The following TOMM22 variants were observed in gnomAD, a reference collection of about 807,000 sequenced individuals.
TOMM22 encodes the protein translocase of outer mitochondrial membrane 22, also known as mitochondrial import receptor subunit TOM22 homolog.
Under a neutral mutation model 17.1 loss-of-function variants are expected in TOMM22, and 3 were observed. The ratio of observed to expected loss-of-function variants is 0.18; its 90% confidence interval spans 0.08 to 0.45. The LOEUF (loss-of-function observed/expected upper bound fraction) is 0.45. Ranked by LOEUF, TOMM22 falls within the 20% of genes least tolerant of loss-of-function variation. The pLI, the probability that TOMM22 is intolerant of heterozygous loss-of-function variation, is 0.99. For missense variants in TOMM22, 159 were observed against 179.5 expected (o/e 0.89, Z 0.65); for synonymous variants, 91 against 74.0 (o/e 1.23, Z -1.18).
chr22:38,683,747 C>A lies in TOMM22; in HGVS notation c.355-20C>A. 1 of 1,606,584 alleles carries A rather than the reference C, an allele frequency of 6.2e-7. No individual in the cohort carries two copies. The highest frequency in any genetic ancestry group is 8.5e-7 in the Non-Finnish European group (1 of 1,173,242). On this transcript the variant is annotated intron_variant, in intron 3 of 3. Transcript: ENST00000216034. ...CTCTAGGCCTGTATGATGCCTTACA[C>A]CCCTCCTTTTCTTTTCCAGATACTT...
chr22:38,682,565 T>G (rs2092482276), intron 2 of TOMM22, 124 bp downstream of exon 2: 1 of 824,346 alleles, frequency 1.2e-6, no homozygotes, highest in Non-Finnish European at 2.0e-6. Flanking sequence ...CTATCCTTTC[T>G]TAGTTTCCTC....
chr22:38,682,189 G>A, intron 1 of TOMM22, 94 bp downstream of exon 1: 4 of 1,499,914 alleles, frequency 2.7e-6, no homozygotes, highest in Non-Finnish European at 3.6e-6. Context: ...CGGCTGCTTT[G>A]GGAGGCGGGG....
At position 38,684,742 on chromosome 22, in the gene TOMM22, A is replaced by ATAAAG. The variant is rs899648489; in HGVS notation, c.*904_*908dup. On this transcript the variant is annotated 3_prime_UTR_variant, in exon 4 of 4. Coordinates refer to ENST00000216034, the MANE Select transcript of TOMM22 (RefSeq NM_020243.5). Reference sequence around the variant, plus strand: ...TAGTCTATAATGACACTGTGTAATTATAAAGTATTTGTAGGGAATAACATA... The same window carrying ATAAAG: ...TAGTCTATAATGACACTGTGTAATTATAAAGTAAAGTATTTGTAGGGAATAACATA... 3 of 152,120 alleles carry ATAAAG rather than the reference A, an allele frequency of 2.0e-5. No individual in the cohort carries two copies. Among genetic ancestry groups the ATAAAG allele is most frequent in the African/African-American group, 7.2e-5 (3 of 41,420 alleles). The allele number at this position is 152,120 out of a possible 1,614,324, so 9.4% of individuals were successfully genotyped here.
intron 2 of TOMM22, 136 bp from the exon 3 acceptor site, chr22:38,682,743 A>G: frequency 1.3e-6 from 1 of 769,688 alleles, no homozygotes. Context: ...TGGTAGGAGT[A>G]TGGTGTAAGG....
At chr22:38,683,389 G>T (rs901995719) in intron 3 of TOMM22, among the ~76,000 whole-genome samples, 2 of 152,152 alleles carry the variant, frequency 1.3e-5, no homozygotes, top group Non-Finnish European at 2.9e-5. Flanking sequence ...AAGGGTTTGT[G>T]TTCCTATGAG....
At position 38,684,666 on chromosome 22, in the gene TOMM22, C is replaced by T. The variant is rs2092490706; in HGVS notation, c.*825C>T. On this transcript the variant is annotated 3_prime_UTR_variant, in exon 4 of 4. Coordinates refer to ENST00000216034, the MANE Select transcript of TOMM22 (RefSeq NM_020243.5). ...AATCTTTGCCCTGAATTTAGGCAGT[C>T]ACTTTGAGATCCATCAGCCTAAAAC... The T allele has an allele frequency of 6.6e-6, 1 of 152,134 alleles. No homozygotes were observed. The highest frequency in any genetic ancestry group is 1.5e-5 in the Non-Finnish European group (1 of 68,046). 9.4% of individuals were successfully genotyped at this position (152,134 alleles called of 1,614,324 possible). A position where few individuals can be genotyped will look rare whatever the true frequency, so the allele number is the denominator to read the frequency against.
At position 38,683,943 on chromosome 22, in the gene TOMM22, T is replaced by C; in HGVS notation, c.*102T>C. The C allele has an allele frequency of 1.0e-6, 1 of 1,001,126 alleles. No homozygotes were observed. 62.0% of individuals were successfully genotyped at this position (1,001,126 alleles called of 1,614,324 possible). On this transcript the variant is annotated 3_prime_UTR_variant, in exon 4 of 4. Coordinates refer to ENST00000216034, the MANE Select transcript of TOMM22 (RefSeq NM_020243.5). ...TTTTTTTTTTTTTAACTTTGGCACA[T>C]TGATCTATCTAAACCTGGTGGGGAG...
chr22:38,683,784 C>T lies in TOMM22; in HGVS notation c.372C>T (p.Asn124=), dbSNP rs759379598. 3 of 1,613,964 alleles carry T rather than the reference C, an allele frequency of 1.9e-6. No individual in the cohort carries two copies. The highest frequency in any genetic ancestry group is 2.2e-5 in the East Asian group (1 of 44,902). Residue 124 remains asparagine (N), a synonymous_variant, in exon 4 of 4, where the codon AAC becomes AAT. Coordinates refer to ENST00000216034, the MANE Select transcript of TOMM22 (RefSeq NM_020243.5). ...TTTTCCAGATACTTCTAGGACCTAA[C>T]ACAGGGCTCTCAGGAGGAATGCCAG... ...LQQRQILLGP[N]TGLSGGMPGA... is the part of the protein sequence containing the mutation.
In TOMM22 at chr22:38,682,615, G is replaced by A. The variant is rs1169430602; in HGVS notation, c.236+174G>A. On this transcript the variant is annotated intron_variant, in intron 2 of 3. Coordinates refer to ENST00000216034, the MANE Select transcript of TOMM22 (RefSeq NM_020243.5). Reference sequence around the variant, plus strand: ...GATTCTTACCTGGCAGGGGAGTTGTGGGGGTTATTTCAGATTGTTGGAGAT... The same window carrying A: ...GATTCTTACCTGGCAGGGGAGTTGTAGGGGTTATTTCAGATTGTTGGAGAT... Among the ~76,000 whole-genome samples the A allele has an allele frequency of 2.0e-5, 3 of 151,944 alleles. No individual in the cohort carries two copies. In the East Asian group the frequency reaches 5.8e-4, roughly 29 times the overall value.
At position 38,682,380 on chromosome 22, in the gene TOMM22, G is replaced by T; in HGVS notation, c.175G>T (p.Val59Phe). 1 of 1,614,226 alleles carries T rather than the reference G, an allele frequency of 6.2e-7. No homozygotes were observed. Among genetic ancestry groups the T allele is most frequent in the Non-Finnish European group, 8.5e-7 (1 of 1,180,044 alleles). The change falls in exon 2 of 4, where the codon GTC (valine) becomes TTC (phenylalanine). Residue 59 changes from valine to phenylalanine, a missense_variant. Val to Phe is a conservative substitution (Grantham distance 50). Around this residue, in one of 3 missense-constraint regions of TOMM22, gnomAD observed 107 missense variants for 100.2 expected, o/e 1.07. Coordinates refer to ENST00000216034, the MANE Select transcript of TOMM22 (RefSeq NM_020243.5). Reference sequence around the variant, plus strand: ...CCTGACGGAGATGTTTCCGGAGAGGGTCCGGTCCGCGGCCGGAGCCACTTT... The same window carrying T: ...CCTGACGGAGATGTTTCCGGAGAGGTTCCGGTCCGCGGCCGGAGCCACTTT... The part of the protein sequence containing the change: ...WGLTEMFPER[V>F]RSAAGATFDL...
At chr22:38,683,131 TGGCCGGGGG>T in intron 3 of TOMM22, 135 bp downstream of exon 3, 1 of 25,732 alleles carries the variant, frequency 3.9e-5, no homozygotes, top group Non-Finnish European at 7.3e-5. Context: ...GGGTTGGGGG[TGGCCGGGGG>T]TCGGGGGGGG....
rs1445207050 is a variant in TOMM22 at position 38,682,003 on chromosome 22, G to A, written c.25G>A (p.Gly9Ser). ...CATGGCTGCCGCCGTCGCTGCTGCC[G>A]GTGCAGGGGAACCCCAGTCCCCGGA... MAAAVAAA[G>S]AGEPQSPDEL... Residue 9 changes from glycine (G) to serine (S), a missense_variant, in exon 1 of 4, where the codon GGT becomes AGT. This residue lies in a region of TOMM22 where 107 missense variants were observed against 100.2 expected (regional missense o/e 1.07). Transcript: ENST00000216034. 4.3e-6 allele frequency: 7 copies of A among 1,611,540 alleles called. No homozygotes were observed. Among genetic ancestry groups the A allele is most frequent in the African/African-American group, 1.3e-5 (1 of 75,032 alleles).
chr22:38,684,200 G>GTTT lies in TOMM22; in HGVS notation c.*375_*377dup, dbSNP rs758537384. 56 of 131,502 alleles carry GTTT rather than the reference G, an allele frequency of 4.3e-4. No homozygotes were observed. Among genetic ancestry groups the GTTT allele is most frequent in the South Asian group, 2.1e-3 (10 of 4,664 alleles). The allele number at this position is 131,502 out of a possible 1,614,324, so 8.1% of individuals were successfully genotyped here. A position where few individuals can be genotyped will look rare whatever the true frequency, so the allele number is the denominator to read the frequency against. On this transcript the variant is annotated 3_prime_UTR_variant, in exon 4 of 4. Transcript: ENST00000216034. The stretch of plus-strand genomic sequence containing the variant: ...GATGTGCCCCTGACCATTAACGACT[G>GTTT]TTTTTTTTTTTTTTTTTTAAAGAAT...
At chr22:38,682,234 C>T in intron 1 of TOMM22, 89 bp from the exon 2 acceptor site, 5 of 1,525,666 alleles carry the variant, frequency 3.3e-6, no homozygotes, top group East Asian at 2.3e-5. Flanking sequence ...TGCCCTAGCT[C>T]CAGTGGGGCT....
intron 1 of TOMM22, 82 bp from the exon 2 acceptor site, chr22:38,682,241 G>T: frequency 6.5e-7 from 1 of 1,536,984 alleles, no homozygotes. Flanking sequence ...GCTCCAGTGG[G>T]GCTCGGCGGC....
intron 1 of TOMM22, 104 bp downstream of exon 1, chr22:38,682,199 GTTAGGGGCCCTGCTGGGCC>G: frequency 6.7e-7 from 1 of 1,491,154 alleles, no homozygotes; most frequent in Non-Finnish European, 9.1e-7. Flanking sequence ...GGGAGGCGGG[GTTAGGGGCCCTGCTGGGCC>G]CTGGGTGCCC....
rs141838874 is a variant in TOMM22 at position 38,685,028 on chromosome 22, C to T, written c.*1187C>T. On this transcript the variant is annotated 3_prime_UTR_variant, in exon 4 of 4. Coordinates refer to ENST00000216034, the MANE Select transcript of TOMM22 (RefSeq NM_020243.5). ...AACTCCTGAGTTCTAGCCATCCACC[C>T]GCCTCTGGCCCCTCAAAGTGCTGGG... 6.6e-6 allele frequency: 1 copy of T among 152,250 alleles called. No individual in the cohort carries two copies. Among genetic ancestry groups the T allele is most frequent in the African/African-American group, 2.4e-5 (1 of 41,512 alleles). The allele number at this position is 152,250 out of a possible 1,614,324, so 9.4% of individuals were successfully genotyped here. A position where few individuals can be genotyped will look rare whatever the true frequency, so the allele number is the denominator to read the frequency against.
chr22:38,685,319 C>T lies in TOMM22; in HGVS notation c.*1478C>T, dbSNP rs575784553. 1 of 152,328 alleles carries T rather than the reference C, an allele frequency of 6.6e-6. No individual in the cohort carries two copies. The highest frequency in any genetic ancestry group is 1.9e-4 in the East Asian group (1 of 5,186). The allele number at this position is 152,328 out of a possible 1,614,324, so 9.4% of individuals were successfully genotyped here. A position where few individuals can be genotyped will look rare whatever the true frequency, so the allele number is the denominator to read the frequency against. On this transcript the variant is annotated 3_prime_UTR_variant, in exon 4 of 4. Coordinates refer to ENST00000216034, the MANE Select transcript of TOMM22 (RefSeq NM_020243.5). Reference sequence around the variant, plus strand: ...GTATACATGATCTTTCACTTGTTAACTAGGGAAAAACACTAGTCACCAGTG... The same window carrying T: ...GTATACATGATCTTTCACTTGTTAATTAGGGAAAAACACTAGTCACCAGTG...
chr22:38,682,753 G>T, intron 2 of TOMM22, 126 bp from the exon 3 acceptor site: 1 of 820,506 alleles, frequency 1.2e-6, no homozygotes. Flanking sequence ...ATGGTGTAAG[G>T]AGCGGGTAGA....
Sources: gnomAD v4.1 joint callset for allele counts (sites outside exome capture counted in the v4.1 genomes callset) on GRCh38, gnomAD v4.1.1 for gene constraint, gnomAD v4.1.1 regional missense constraint, MANE v1.5 for transcripts, NCBI Gene and HGNC (gene_info 2026-07-23, HGNC 2026-07-21) for gene names.